The following SLC16A10 variants were observed in gnomAD, a reference collection of about 807,000 sequenced individuals.
SLC16A10 encodes the protein solute carrier family 16 member 10, also known as monocarboxylate transporter 10.
A neutral mutation model predicts 40.0 loss-of-function variants in SLC16A10; 27 were observed. The observed-to-expected ratio is 0.67, with a 90% CI of 0.50 to 0.93. The LOEUF (loss-of-function observed/expected upper bound fraction) is 0.93. Among genes scored for constraint, SLC16A10 ranks in the 40% least tolerant of loss-of-function variants. The probability of loss-of-function intolerance (pLI) is 0.00; values close to 1 mark genes in which losing one functional copy is unlikely to be tolerated. For synonymous variants in SLC16A10, 213 were observed against 249.8 expected (o/e 0.85, Z 1.39); for missense variants, 529 against 658.2 (o/e 0.80, Z 2.15).
intron 1 of SLC16A10, among the ~76,000 whole-genome samples, chr6:111,101,319 A>G (rs1472553253): frequency 6.6e-6 from 1 of 152,090 alleles, no homozygotes; most frequent in Non-Finnish European, 1.5e-5. Flanking sequence ...GGTCTGAGCC[A>G]CTGCGCCCAG....
chr6:111,090,666 C>T (rs1351797330), intron 1 of SLC16A10, among the ~76,000 whole-genome samples: 1 of 152,088 alleles, frequency 6.6e-6, no homozygotes, highest in African/African-American at 2.4e-5. Flanking sequence ...TCATGAAGTC[C>T]CTCATCTACC....
intron 1 of SLC16A10, among the ~76,000 whole-genome samples, chr6:111,122,653 G>A (rs1312516258): frequency 1.3e-5 from 2 of 152,184 alleles, no homozygotes; most frequent in Middle Eastern, 3.2e-3. Context: ...TGCTTCCTCA[G>A]AGAGAAGTGG....
rs1269401275 is a variant in SLC16A10, at chr6:111,227,154, C to T, written c.*4919C>T. 1 of 152,184 alleles carries T rather than the reference C, an allele frequency of 6.6e-6. No individual in the cohort carries two copies. The highest frequency in any genetic ancestry group is 1.5e-5 in the Non-Finnish European group (1 of 68,058). The allele number at this position is 152,184 out of a possible 1,614,324, so 9.4% of individuals were successfully genotyped here. On this transcript the variant is annotated 3_prime_UTR_variant, in exon 6 of 6. Transcript: ENST00000368851. ...AAAGGAAAAAAAAATTTGTTCTGCT[C>T]TACTATACATGCTGACTTTTGTTGA...
At chr6:111,142,584 A>G (rs1465060533) in intron 1 of SLC16A10, among the ~76,000 whole-genome samples, 1 of 152,246 alleles carries the variant, frequency 6.6e-6, no homozygotes, top group Non-Finnish European at 1.5e-5. Flanking sequence ...TATCTCATCA[A>G]AGAAGATATA....
chr6:111,181,101 G>A (rs1281043610), intron 3 of SLC16A10, among the ~76,000 whole-genome samples: 2 of 150,234 alleles, frequency 1.3e-5, no homozygotes, highest in Non-Finnish European at 3.0e-5. Context: ...TGTAATCTCA[G>A]CTACTCAGGA....
intron 3 of SLC16A10, among the ~76,000 whole-genome samples, chr6:111,203,575 A>G (rs1048730765): frequency 2.0e-5 from 3 of 152,038 alleles, no homozygotes; most frequent in Non-Finnish European, 2.9e-5. Flanking sequence ...TACAAAAATT[A>G]GCTGGGCGTG....
At chr6:111,201,678 A>G (rs537819554) in intron 3 of SLC16A10, among the ~76,000 whole-genome samples, 192 of 152,366 alleles carry the variant, frequency 1.3e-3, no homozygotes, top group African/African-American at 4.4e-3. Context: ...CCATCAAGGC[A>G]TGGCCAAATT....
intron 1 of SLC16A10, among the ~76,000 whole-genome samples, chr6:111,144,684 A>C (rs2114507359): frequency 6.6e-6 from 1 of 152,320 alleles, no homozygotes; most frequent in Non-Finnish European, 1.5e-5. Context: ...AGGTATGATA[A>C]AACTTTTGGG....
At chr6:111,221,030 C>T (rs190156807) in intron 5 of SLC16A10, among the ~76,000 whole-genome samples, 18 of 152,122 alleles carry the variant, frequency 1.2e-4, no homozygotes, top group African/African-American at 4.4e-4. Flanking sequence ...TGGATGTACA[C>T]ATTTTTATGT....
chr6:111,089,908 GTTTTTTTTTTTTTTTTTT>G (rs541758500), intron 1 of SLC16A10, among the ~76,000 whole-genome samples: 38 of 52,336 alleles, frequency 7.3e-4, no homozygotes, highest in East Asian at 2.9e-3. Flanking sequence ...CTGTGGGTGG[GTTTTTTTTTTTTTTTTTT>G]TTTTTTTTTT....
chr6:111,144,773 C>T (rs1160725591), intron 1 of SLC16A10, among the ~76,000 whole-genome samples: 1 of 152,206 alleles, frequency 6.6e-6, no homozygotes, highest in African/African-American at 2.4e-5. Flanking sequence ...TTGTTGAATA[C>T]TTTATGTAGT....
intron 3 of SLC16A10, chr6:111,178,585 G>A: frequency 3.2e-6 from 1 of 317,400 alleles, no homozygotes. Context: ...AAGAAGCAGT[G>A]TCTAAAGTAT....
chr6:111,107,552 A>G (rs1047551856), intron 1 of SLC16A10, among the ~76,000 whole-genome samples: 41 of 152,254 alleles, frequency 2.7e-4, no homozygotes, highest in Non-Finnish European at 6.0e-4. Context: ...CAAGGAAAAA[A>G]TTAATCTTGT....
At chr6:111,122,253 C>T (rs1055264554) in intron 1 of SLC16A10, among the ~76,000 whole-genome samples, 5 of 152,188 alleles carry the variant, frequency 3.3e-5, no homozygotes, top group Non-Finnish European at 4.4e-5. Context: ...GACCCTGGAC[C>T]GGACTCTGTA....
intron 1 of SLC16A10, among the ~76,000 whole-genome samples, chr6:111,118,163 T>G (rs1771521818): frequency 6.6e-6 from 1 of 152,230 alleles, no homozygotes; most frequent in African/African-American, 2.4e-5. Context: ...TCTATTGCTA[T>G]CTCAAGAGAA....
chr6:111,218,781 C>T (rs1770830438), intron 4 of SLC16A10, 33 bp from the exon 5 acceptor site: 4 of 1,569,884 alleles, frequency 2.5e-6, no homozygotes, highest in South Asian at 1.1e-5. Context: ...TTGCTTCCTG[C>T]GAGCGGAGCT....
chr6:111,116,787 T>C (rs1489386787), intron 1 of SLC16A10, among the ~76,000 whole-genome samples: 1 of 152,184 alleles, frequency 6.6e-6, no homozygotes, highest in Non-Finnish European at 1.5e-5. Flanking sequence ...CCCCCCACTA[T>C]TGGTAAAAAT....
chr6:111,177,413 C>G lies in SLC16A10; in HGVS notation c.690C>G (p.Leu230=), dbSNP rs918925827. ...GGGTTCTGATTGACAGCGTGGGCCT[C>G]TTTTACACATTGAGGGTGCTCTGCA... The part of the protein sequence containing the change: ...LLRVLIDSVG[L]FYTLRVLCIF... Residue 230 remains leucine, a synonymous_variant, in exon 3 of 6, where the codon CTC becomes CTG. Transcript: ENST00000368851. 6 of 1,613,956 alleles carry G rather than the reference C, an allele frequency of 3.7e-6. No homozygotes were observed. The African/African-American group carries it at 8.0e-5, about 22-fold the overall frequency.
At chr6:111,164,317 C>T (rs185374965) in intron 1 of SLC16A10, among the ~76,000 whole-genome samples, 143 of 152,044 alleles carry the variant, frequency 9.4e-4, no homozygotes, top group African/African-American at 3.4e-3. Flanking sequence ...AATGGTAAAC[C>T]TTAGCAATTT....
Sources: allele counts gnomAD v4.1 joint callset (sites outside exome capture counted in the v4.1 genomes callset), GRCh38; gene constraint gnomAD v4.1.1; transcripts MANE v1.5; gene names NCBI Gene and HGNC (gene_info 2026-07-23, HGNC 2026-07-21).